The following DOCK1 variants were observed in gnomAD, a reference collection of about 807,000 sequenced individuals.
DOCK1 encodes the protein dedicator of cytokinesis 1.
A neutral mutation model predicts 262.7 loss-of-function variants in DOCK1; 138 were observed. The observed-to-expected ratio is 0.53, with a 90% CI of 0.46 to 0.61. DOCK1 has a LOEUF of 0.61. Among genes scored for constraint, DOCK1 ranks in the 20% least tolerant of loss-of-function variants. DOCK1 has a pLI of 0.00. For missense variants in DOCK1, 1,908 were observed against 2,370.7 expected (o/e 0.80, Z 4.05); for synonymous variants, 866 against 867.4 (o/e 1.00, Z 0.03).
chr10:126,929,772 G>A (rs1369965735), intron 1 of DOCK1, among the ~76,000 whole-genome samples: 5 of 152,228 alleles, frequency 3.3e-5, no homozygotes, highest in African/African-American at 1.2e-4. Flanking sequence ...AGTTGTTTAA[G>A]TTCATGAATC....
intron 29 of DOCK1, among the ~76,000 whole-genome samples, chr10:127,287,559 G>C (rs1024190814): frequency 2.6e-5 from 4 of 152,070 alleles, no homozygotes; most frequent in African/African-American, 9.7e-5. Context: ...CCACATTCTG[G>C]ATTTTGCAGA....
intron 37 of DOCK1, among the ~76,000 whole-genome samples, chr10:127,382,406 C>T (rs982830049): frequency 4.6e-5 from 7 of 152,138 alleles, no homozygotes; most frequent in Admixed American, 3.9e-4. Flanking sequence ...TAGAGACCTG[C>T]GAGTATGGAA....
chr10:127,176,035 C>T lies in DOCK1; in HGVS notation c.2847+48271C>T. ...CTTTTGAGGTTCCCCTTTTTGCGGT[C>T]CAGAGGGAACGTCTGGTAACACTTC... On this transcript the variant is annotated intron_variant, in intron 27 of 51. Coordinates refer to ENST00000623213, the MANE Select transcript of DOCK1 (RefSeq NM_001290223.2). The surrounding 1 kb of genome is among the most constrained non-coding windows in gnomAD (Gnocchi z 4.4). The T allele has an allele frequency of 6.2e-7, 1 of 1,614,010 alleles. No homozygotes were observed. The highest frequency in any genetic ancestry group is 8.5e-7 in the Non-Finnish European group (1 of 1,179,996).
intron 29 of DOCK1, among the ~76,000 whole-genome samples, chr10:127,326,830 T>C (rs2062765398): frequency 6.6e-6 from 1 of 152,232 alleles, no homozygotes; most frequent in South Asian, 2.1e-4. Context: ...AAATTGCTCG[T>C]GATTAATGGA....
chr10:126,945,313 G>A (rs1298590178), intron 1 of DOCK1, among the ~76,000 whole-genome samples: 1 of 152,070 alleles, frequency 6.6e-6, no homozygotes, highest in African/African-American at 2.4e-5. Context: ...CTTGGTGGCT[G>A]TTGGCAGAGG....
At chr10:127,066,189 T>G (rs560755996) in intron 23 of DOCK1, among the ~76,000 whole-genome samples, 1 of 152,234 alleles carries the variant, frequency 6.6e-6, no homozygotes, top group Non-Finnish European at 1.5e-5. Flanking sequence ...CAAGAGATTG[T>G]GGCTGCTGTT....
At chr10:127,244,382 G>T (rs2059363523) in intron 27 of DOCK1, among the ~76,000 whole-genome samples, 1 of 152,102 alleles carries the variant, frequency 6.6e-6, no homozygotes, top group Non-Finnish European at 1.5e-5. Flanking sequence ...TTTCTATTTT[G>T]AATTACTTCC....
intron 1 of DOCK1, among the ~76,000 whole-genome samples, chr10:126,922,795 T>C (rs944337550): frequency 1.1e-4 from 16 of 152,200 alleles, no homozygotes; most frequent in African/African-American, 3.9e-4. Flanking sequence ...TTTTCTGTTA[T>C]GTTAGTTTTA....
At chr10:127,022,028 T>C (rs1360066273) in intron 13 of DOCK1, among the ~76,000 whole-genome samples, 1 of 152,126 alleles carries the variant, frequency 6.6e-6, no homozygotes, top group Non-Finnish European at 1.5e-5. Context: ...CGAGGCTTCC[T>C]CTAAATCATG....
At chr10:126,992,337 A>C (rs1356793175) in intron 6 of DOCK1, among the ~76,000 whole-genome samples, 1 of 152,172 alleles carries the variant, frequency 6.6e-6, no homozygotes, top group Non-Finnish European at 1.5e-5. Context: ...CTAGTTAAGG[A>C]AGGAAGTGTT....
At chr10:127,242,337 G>GT (rs1353999670) in intron 27 of DOCK1, among the ~76,000 whole-genome samples, 1 of 152,168 alleles carries the variant, frequency 6.6e-6, no homozygotes, top group African/African-American at 2.4e-5. Context: ...GGTTTTGTTT[G>GT]TTTTTTGGAC....
intron 35 of DOCK1, among the ~76,000 whole-genome samples, chr10:127,375,744 A>G (rs146565837): frequency 6.6e-6 from 1 of 152,362 alleles, no homozygotes; most frequent in East Asian, 1.9e-4. Context: ...CATTTCTGTA[A>G]CAAGTTTTCT....
intron 10 of DOCK1, among the ~76,000 whole-genome samples, chr10:127,005,726 CTGATA>C (rs2040965358): frequency 6.6e-6 from 1 of 152,060 alleles, no homozygotes; most frequent in Non-Finnish European, 1.5e-5. Flanking sequence ...CATGTTTATT[CTGATA>C]TGTTTGTTTC....
At chr10:127,387,139 C>T (rs1436213323) in intron 38 of DOCK1, among the ~76,000 whole-genome samples, 1 of 152,198 alleles carries the variant, frequency 6.6e-6, no homozygotes, top group Non-Finnish European at 1.5e-5. Flanking sequence ...ATGGCTGTTG[C>T]CGGGCTCTCT....
intron 29 of DOCK1, among the ~76,000 whole-genome samples, chr10:127,299,077 G>A (rs1176125401): frequency 2.0e-5 from 3 of 152,092 alleles, no homozygotes; most frequent in Non-Finnish European, 4.4e-5. Flanking sequence ...GGTTGAGGTG[G>A]GTGCATGTTG....
chr10:127,263,663 C>A (rs553098096), intron 29 of DOCK1, among the ~76,000 whole-genome samples: 2 of 152,322 alleles, frequency 1.3e-5, no homozygotes, highest in East Asian at 3.9e-4. Context: ...GAAGCACAGA[C>A]CTTTCCCTGT....
intron 16 of DOCK1, among the ~76,000 whole-genome samples, chr10:127,027,779 C>A (rs1280718416): frequency 1.3e-5 from 2 of 152,078 alleles, no homozygotes; most frequent in Non-Finnish European, 2.9e-5. Context: ...CTGGGCCCTC[C>A]ATGTGGGGTG....
intron 1 of DOCK1, among the ~76,000 whole-genome samples, chr10:126,938,886 A>G (rs1455533872): frequency 2.1e-5 from 2 of 94,980 alleles, no homozygotes; most frequent in African/African-American, 1.0e-4. Flanking sequence ...TGAACACAGG[A>G]GGGGACGAAC....
rs185717575 is a variant in DOCK1, at chr10:126,907,310, G to A, written c.46+1747G>A. Among the ~76,000 whole-genome samples the A allele has an allele frequency of 2.6e-5, 4 of 152,242 alleles. No individual in the cohort carries two copies. The East Asian group carries it at 5.8e-4, about 22-fold the overall frequency. On this transcript the variant is annotated intron_variant, in intron 1 of 51. Transcript: ENST00000623213. ...CAGGAGAGGCAGGAGGCTGGCAGAG[G>A]AGCAGGCATCCCATAGCCCTGGCCC... is the stretch of plus-strand genomic sequence containing the variant.
Sources: allele counts gnomAD v4.1 joint callset (sites outside exome capture counted in the v4.1 genomes callset), GRCh38; gene constraint gnomAD v4.1.1; non-coding constraint Gnocchi (gnomAD v3.1); transcripts MANE v1.5; gene names NCBI Gene and HGNC (gene_info 2026-07-23, HGNC 2026-07-21).